The following DPP10 variants were observed in gnomAD, a reference collection of about 807,000 sequenced individuals.
DPP10 encodes dipeptidyl peptidase like 10.
A neutral mutation model predicts 120.9 loss-of-function variants in DPP10; 33 were observed. That is an observed-to-expected ratio of 0.27 (90% CI 0.21 to 0.37). DPP10 has a LOEUF of 0.37. Among genes scored for constraint, DPP10 ranks in the 10% least tolerant of loss-of-function variants. The pLI is 1.00. For synonymous variants in DPP10, 337 were observed against 326.1 expected, an observed-to-expected ratio of 1.03 and a Z score of -0.36; for missense variants, 816 against 942.8, an observed-to-expected ratio of 0.87 and a Z score of 1.76.
intron 1 of DPP10, among the ~76,000 whole-genome samples, chr2:114,895,501 C>A (rs957188226): frequency 6.6e-6 from 1 of 152,134 alleles, no homozygotes; most frequent in Non-Finnish European, 1.5e-5. Flanking sequence ...CCCACAGTAT[C>A]CTTGGTGTGT....
chr2:115,559,030 A>G (rs538600614), intron 5 of DPP10, among the ~76,000 whole-genome samples: 3 of 152,342 alleles, frequency 2.0e-5, no homozygotes, highest in African/African-American at 7.2e-5. Flanking sequence ...TGATAAATAA[A>G]TATCTTGGGA....
At chr2:115,242,539 C>T (rs2058335464) in intron 1 of DPP10, among the ~76,000 whole-genome samples, 1 of 152,156 alleles carries the variant, frequency 6.6e-6, no homozygotes, top group Admixed American at 6.6e-5. Flanking sequence ...AGTGTGATTG[C>T]TGGATCAAAT....
At chr2:115,431,139 G>T (rs904888619) in intron 3 of DPP10, among the ~76,000 whole-genome samples, 4 of 152,180 alleles carry the variant, frequency 2.6e-5, no homozygotes, top group African/African-American at 4.8e-5. Flanking sequence ...TATAGCTCGC[G>T]AAAGCGAAGG....
chr2:114,679,388 G>A (rs554130052), intron 1 of DPP10, among the ~76,000 whole-genome samples: 8 of 152,048 alleles, frequency 5.3e-5, no homozygotes, highest in African/African-American at 1.9e-4. Flanking sequence ...TATTGTAATG[G>A]CACAAACTGG....
At chr2:115,698,295 A>G (rs975627332) in intron 7 of DPP10, among the ~76,000 whole-genome samples, 2 of 152,216 alleles carry the variant, frequency 1.3e-5, no homozygotes, top group African/African-American at 2.4e-5. Flanking sequence ...GAAAAATTAG[A>G]AAATACTTAG....
intron 1 of DPP10, among the ~76,000 whole-genome samples, chr2:114,848,695 T>C (rs557627729): frequency 5.9e-5 from 9 of 152,314 alleles, no homozygotes; most frequent in Non-Finnish European, 1.3e-4. Flanking sequence ...AGGCTTGGCT[T>C]ATCAGAGGTT....
intron 11 of DPP10, among the ~76,000 whole-genome samples, 166 bp from the exon 12 acceptor site, chr2:115,762,406 T>C (rs943352041): frequency 1.3e-5 from 2 of 152,154 alleles, no homozygotes; most frequent in African/African-American, 4.8e-5. Flanking sequence ...CCCTATTCTC[T>C]ACTTACTCAT....
chr2:114,802,338 A>C (rs1189959275), intron 1 of DPP10, among the ~76,000 whole-genome samples: 1 of 152,184 alleles, frequency 6.6e-6, no homozygotes, highest in Non-Finnish European at 1.5e-5. Context: ...TACATCCCCA[A>C]ATAACTTTTT....
At chr2:114,475,900 A>G (rs1256901982) in intron 1 of DPP10, among the ~76,000 whole-genome samples, 1 of 152,124 alleles carries the variant, frequency 6.6e-6, no homozygotes, top group African/African-American at 2.4e-5. Context: ...GAGTGAATTG[A>G]TTTTGTTCAA....
At chr2:114,939,555 A>G (rs1696741414) in intron 1 of DPP10, among the ~76,000 whole-genome samples, 2 of 152,154 alleles carry the variant, frequency 1.3e-5, no homozygotes, top group Non-Finnish European at 2.9e-5. Flanking sequence ...AATTTAAGCA[A>G]TTTTGTGTCA....
chr2:114,648,215 A>C (rs903259096), intron 1 of DPP10, among the ~76,000 whole-genome samples: 1 of 152,210 alleles, frequency 6.6e-6, no homozygotes, highest in African/African-American at 2.4e-5. Flanking sequence ...TGATCAAAAC[A>C]GAAAGCTCAT....
intron 1 of DPP10, among the ~76,000 whole-genome samples, chr2:115,138,035 T>C (rs1197715393): frequency 1.3e-5 from 2 of 152,266 alleles, no homozygotes; most frequent in South Asian, 4.1e-4. Flanking sequence ...TGCATAACAC[T>C]GTATTAAGAT....
At chr2:114,955,222 C>G (rs773786058) in intron 1 of DPP10, among the ~76,000 whole-genome samples, 5 of 152,144 alleles carry the variant, frequency 3.3e-5, no homozygotes, top group Non-Finnish European at 5.9e-5. Flanking sequence ...TATAGGGTAA[C>G]TTCCTGATGT....
chr2:114,782,925 G>A (rs555322862), intron 1 of DPP10, among the ~76,000 whole-genome samples: 3 of 152,174 alleles, frequency 2.0e-5, no homozygotes, highest in African/African-American at 7.2e-5. Context: ...GGCAGGTAGT[G>A]TAATTCTTCC....
intron 1 of DPP10, among the ~76,000 whole-genome samples, chr2:114,926,073 C>G (rs1045208717): frequency 1.3e-5 from 2 of 152,288 alleles, no homozygotes; most frequent in South Asian, 4.1e-4. Context: ...GAGATATACA[C>G]AGACTGGAGA....
intron 2 of DPP10, among the ~76,000 whole-genome samples, chr2:115,330,588 A>G (rs2062663767): frequency 6.6e-6 from 1 of 152,164 alleles, no homozygotes; most frequent in Admixed American, 6.6e-5. Context: ...TAAGTCTTTA[A>G]TCCATCTTGA....
chr2:115,437,278 A>G (rs1202150578), intron 3 of DPP10, among the ~76,000 whole-genome samples: 2 of 152,050 alleles, frequency 1.3e-5, no homozygotes, highest in Non-Finnish European at 2.9e-5. Context: ...CCTTTTTTAT[A>G]CATACAAATC....
chr2:115,789,205 A>G (rs575967760), intron 17 of DPP10, among the ~76,000 whole-genome samples: 16 of 152,180 alleles, frequency 1.1e-4, no homozygotes, highest in Non-Finnish European at 1.9e-4. Flanking sequence ...AAAAAGATCA[A>G]ATTTTCTCAT....
rs59203543 is a variant in DPP10, at chr2:114,987,804, C to CTTTTTTTTTTTTTTTTTTTTTTTT, written c.61-321423_61-321422insTTTTTTTTTTTTTTTTTTTTTTTT. Among the ~76,000 whole-genome samples the CTTTTTTTTTTTTTTTTTTTTTTTT allele has an allele frequency of 1.1e-4, 11 of 101,034 alleles. 1 individual carries two copies. Among genetic ancestry groups the CTTTTTTTTTTTTTTTTTTTTTTTT allele is most frequent in the Non-Finnish European group, 1.1e-4 (6 of 55,834 alleles). The allele number at this position is 101,034 out of a possible 152,430, so 66.3% of individuals were successfully genotyped here. On this transcript the variant is annotated intron_variant, in intron 1 of 25. Coordinates refer to ENST00000410059, the MANE Select transcript of DPP10 (RefSeq NM_020868.6). ...TATACTCCTTGAGTGTGGAGACTGT[C>CTTTTTTTTTTTTTTTTTTTTTTTT]TTTTTTTTTTTTATTTTGAGATGGA...
Sources: allele counts gnomAD v4.1 joint callset (sites outside exome capture counted in the v4.1 genomes callset), GRCh38; gene constraint gnomAD v4.1.1; transcripts MANE v1.5; gene names NCBI Gene and HGNC (gene_info 2026-07-23, HGNC 2026-07-21).